TRIM9: variants seen among roughly 807,000 people sequenced by gnomAD.
The protein encoded by TRIM9 is E3 ubiquitin-protein ligase TRIM9.
TRIM9 carries 26 observed loss-of-function variants against 78.3 expected under a neutral mutation model. That is an observed-to-expected ratio of 0.33 (90% CI 0.24 to 0.46). The LOEUF (loss-of-function observed/expected upper bound fraction) is 0.46, where lower values mean the gene tolerates loss of function less well. Among genes scored for constraint, TRIM9 ranks in the 20% least tolerant of loss-of-function variants. The probability of loss-of-function intolerance (pLI) is 1.00; values close to 1 mark genes in which losing one functional copy is unlikely to be tolerated. For synonymous variants in TRIM9, 398 were observed against 416.5 expected (o/e 0.96, Z 0.54); for missense variants, 787 against 1,036.4 (o/e 0.76, Z 3.30).
chr14:51,088,597 A>T (rs113571366), intron 1 of TRIM9, among the ~76,000 whole-genome samples: 1,574 of 152,240 alleles, frequency 0.01, 12 homozygotes, highest in South Asian at 0.05. Context: ...TGTCTGGCCT[A>T]ATGTTCTTAA....
chr14:51,047,780 T>C (rs1337069376), intron 1 of TRIM9, among the ~76,000 whole-genome samples: 2 of 152,170 alleles, frequency 1.3e-5, no homozygotes, highest in African/African-American at 2.4e-5. Flanking sequence ...AGAACAAAGC[T>C]TTCAATTGGG....
At chr14:51,051,307 G>A (rs895299201) in intron 1 of TRIM9, among the ~76,000 whole-genome samples, 4 of 152,182 alleles carry the variant, frequency 2.6e-5, no homozygotes, top group Non-Finnish European at 5.9e-5. Context: ...GACACAGATT[G>A]AAAAGAGAGC....
At chr14:51,090,447 C>T (rs767860490) in intron 1 of TRIM9, among the ~76,000 whole-genome samples, 13 of 151,928 alleles carry the variant, frequency 8.6e-5, no homozygotes, top group African/African-American at 9.7e-5. Flanking sequence ...GTTTAAATTG[C>T]AAATTTTCAT....
At chr14:51,003,680 G>C (rs2139561952) in intron 5 of TRIM9, among the ~76,000 whole-genome samples, 1 of 151,788 alleles carries the variant, frequency 6.6e-6, no homozygotes, top group African/African-American at 2.4e-5. Context: ...ATAATCTTCA[G>C]ATCTTGATAT....
chr14:51,068,711 T>C (rs72687161), intron 1 of TRIM9, among the ~76,000 whole-genome samples: 2 of 151,916 alleles, frequency 1.3e-5, no homozygotes, highest in African/African-American at 2.4e-5. Flanking sequence ...AGAATAAGGA[T>C]GTAAAGTTAT....
At chr14:51,018,145 TG>T (rs894676967) in intron 3 of TRIM9, among the ~76,000 whole-genome samples, 2 of 152,220 alleles carry the variant, frequency 1.3e-5, no homozygotes, top group African/African-American at 4.8e-5. Flanking sequence ...CTGAGTTCTT[TG>T]TCATTAATTT....
intron 1 of TRIM9, among the ~76,000 whole-genome samples, chr14:51,031,524 A>G (rs2058734701): frequency 6.6e-6 from 1 of 151,930 alleles, no homozygotes; most frequent in Admixed American, 6.6e-5. Flanking sequence ...TGATTTTTGG[A>G]ATTTTTTCAC....
chr14:51,064,008 AAGG>A (rs1174527815), intron 1 of TRIM9, among the ~76,000 whole-genome samples: 4 of 152,112 alleles, frequency 2.6e-5, no homozygotes, highest in Non-Finnish European at 1.5e-5. Flanking sequence ...ATGATTATTA[AAGG>A]CAAAAATTAT....
chr14:50,977,402 C>T lies in TRIM9; in HGVS notation c.2326-49G>A, dbSNP rs767561635. The T allele has an allele frequency of 2.0e-5, 28 of 1,396,972 alleles. No individual in the cohort carries two copies. In the South Asian group the frequency reaches 4.6e-4, roughly 23 times the overall value. The allele number at this position is 1,396,972 out of a possible 1,614,324, so 86.5% of individuals were successfully genotyped here. A position where few individuals can be genotyped will look rare whatever the true frequency, so the allele number is the denominator to read the frequency against. ...TGAGAGGCATCGTGCATCCCCCTGT[C>T]CCTTTACACAGTGTACCGTGGGTGT... On this transcript the variant is annotated intron_variant, in intron 12 of 12. Coordinates refer to ENST00000684578, the MANE Select transcript of TRIM9 (RefSeq NM_001387360.1).
intron 11 of TRIM9, among the ~76,000 whole-genome samples, 173 bp from the exon 12 acceptor site, chr14:50,979,722 A>G (rs2051583834): frequency 6.6e-6 from 1 of 152,152 alleles, no homozygotes; most frequent in Admixed American, 6.5e-5. Flanking sequence ...TATACTGTAT[A>G]CCTGTTGGTA....
intron 1 of TRIM9, among the ~76,000 whole-genome samples, chr14:51,072,308 T>G (rs1214213980): frequency 6.6e-6 from 1 of 152,112 alleles, no homozygotes; most frequent in Non-Finnish European, 1.5e-5. Context: ...AAAGCAATTA[T>G]GCTTCTATGA....
At position 51,093,949 on chromosome 14, in the gene TRIM9, A is replaced by T. The variant is rs187801933; in HGVS notation, c.822+169T>A. On this transcript the variant is annotated intron_variant, in intron 1 of 12. Transcript: ENST00000684578. Reference sequence around the variant, plus strand: ...ATTCAACTCCCCCGTGCGCCGGTTAAGATTCCCCCATGCCTCCTGCAATGC... The same window carrying T: ...ATTCAACTCCCCCGTGCGCCGGTTATGATTCCCCCATGCCTCCTGCAATGC... Among the ~76,000 whole-genome samples the T allele has an allele frequency of 8.2e-3, 1,257 of 152,370 alleles. 8 individuals are homozygous for T. The highest frequency in any genetic ancestry group is 0.013 in the Non-Finnish European group (897 of 68,034).
intron 1 of TRIM9, among the ~76,000 whole-genome samples, chr14:51,072,604 T>C (rs2062388631): frequency 6.6e-6 from 1 of 152,006 alleles, no homozygotes; most frequent in East Asian, 1.9e-4. Flanking sequence ...AATTCATGTT[T>C]AATATGAAAT....
chr14:51,038,286 A>T lies in TRIM9; in HGVS notation c.823-12926T>A, dbSNP rs138159052. Among the ~76,000 whole-genome samples the T allele has an allele frequency of 4.5e-4, 69 of 152,338 alleles. No homozygotes were observed. In the East Asian group the frequency reaches 7.1e-3, roughly 16 times the overall value. On this transcript the variant is annotated intron_variant, in intron 1 of 12. Coordinates refer to ENST00000684578, the MANE Select transcript of TRIM9 (RefSeq NM_001387360.1). The stretch of plus-strand genomic sequence containing the variant: ...AAGGAAATGGATTCTCCTTTAGAGC[A>T]TCCGGAAAGGAACTCAGCCCTGTTT...
intron 1 of TRIM9, among the ~76,000 whole-genome samples, chr14:51,032,700 T>C (rs1170626302): frequency 6.6e-6 from 1 of 152,184 alleles, no homozygotes; most frequent in South Asian, 2.1e-4. Flanking sequence ...CAGTCTAAAA[T>C]ACTAAGCTTC....
intron 6 of TRIM9, 68 bp from the exon 7 acceptor site, chr14:50,998,256 C>T (rs556544902): frequency 4.4e-5 from 66 of 1,503,896 alleles, no homozygotes; most frequent in South Asian, 2.0e-4. Flanking sequence ...GAGGCAGTGT[C>T]GCTCAGTGGT....
chr14:51,082,183 A>C (rs2063359878), intron 1 of TRIM9, among the ~76,000 whole-genome samples: 1 of 152,216 alleles, frequency 6.6e-6, no homozygotes, highest in Non-Finnish European at 1.5e-5. Context: ...CTAACTCAGG[A>C]AATCCCAAGG....
chr14:51,093,495 C>G (rs973581110), intron 1 of TRIM9, among the ~76,000 whole-genome samples: 11 of 152,230 alleles, frequency 7.2e-5, no homozygotes, highest in African/African-American at 2.7e-4. Flanking sequence ...CCATGGCGAC[C>G]GCTGGCTGCC....
At chr14:50,979,176 G>C in intron 12 of TRIM9, 1 of 1,439,720 alleles carries the variant, frequency 6.9e-7, no homozygotes, top group South Asian at 1.5e-5. Flanking sequence ...CTATTAACTA[G>C]TCTGCGTCCA....
Sources: gnomAD v4.1 joint callset for allele counts (sites outside exome capture counted in the v4.1 genomes callset) on GRCh38, gnomAD v4.1.1 for gene constraint, MANE v1.5 for transcripts, NCBI Gene and HGNC (gene_info 2026-07-23, HGNC 2026-07-21) for gene names.